Variants in ASXL2 observed in about 807,000 individuals in gnomAD.
ASXL2 encodes the protein ASXL transcriptional regulator 2, also known as putative Polycomb group protein ASXL2.
Under a neutral mutation model 122.0 loss-of-function variants are expected in ASXL2, and 23 were observed. That is an observed-to-expected ratio of 0.19 (90% CI 0.14 to 0.27). The LOEUF (loss-of-function observed/expected upper bound fraction) is 0.27. ASXL2 is among the 10% of genes least tolerant of loss of function. ASXL2 has a pLI of 1.00. For missense variants in ASXL2, 1,518 were observed against 1,713.8 expected, an observed-to-expected ratio of 0.89 and a Z score of 2.02; for synonymous variants, 650 against 637.0, an observed-to-expected ratio of 1.02 and a Z score of -0.31.
At chr2:25,861,151 A>T (rs1047505398) in intron 1 of ASXL2, among the ~76,000 whole-genome samples, 2 of 152,210 alleles carry the variant, frequency 1.3e-5, no homozygotes, top group African/African-American at 4.8e-5. Flanking sequence ...GAAAACAAGA[A>T]ATCAATACGA....
At chr2:25,831,797 C>G (rs1460331123) in intron 3 of ASXL2, among the ~76,000 whole-genome samples, 1 of 152,048 alleles carries the variant, frequency 6.6e-6, no homozygotes, top group Non-Finnish European at 1.5e-5. Flanking sequence ...CAAGATACAT[C>G]ATAATTAAAC....
rs2087820050 is a variant in ASXL2 at position 25,741,166 on chromosome 2, TGTTA to T, written c.*859_*862del. Reference sequence around the variant, plus strand: ...TCATTTTATATGAGTATTTCAAAATTGTTAGTTACCACGAATGACTAAGTGCGGG... The same window carrying T: ...TCATTTTATATGAGTATTTCAAAATTGTTACCACGAATGACTAAGTGCGGG... On this transcript the variant is annotated 3_prime_UTR_variant, in exon 13 of 13. Transcript: ENST00000435504. 9.2e-6 allele frequency: 2 copies of T among 218,206 alleles called. No homozygotes were observed. The highest frequency in any genetic ancestry group is 9.2e-6 in the Non-Finnish European group (1 of 108,678). 13.5% of individuals were successfully genotyped at this position (218,206 alleles called of 1,614,324 possible).
chr2:25,875,006 G>A (rs1574459138), intron 1 of ASXL2, among the ~76,000 whole-genome samples: 1 of 152,152 alleles, frequency 6.6e-6, no homozygotes, highest in African/African-American at 2.4e-5. Flanking sequence ...TCACTTGAGG[G>A]GTTGGCTGAG....
At chr2:25,785,369 C>T (rs1013191738) in intron 5 of ASXL2, among the ~76,000 whole-genome samples, 2 of 151,714 alleles carry the variant, frequency 1.3e-5, no homozygotes, top group Admixed American at 1.3e-4. Context: ...GGATTACAGG[C>T]ACCCGCCTCC....
chr2:25,786,229 T>A (rs1385557565), intron 5 of ASXL2, among the ~76,000 whole-genome samples: 24 of 145,492 alleles, frequency 1.6e-4, no homozygotes, highest in Admixed American at 1.6e-3. Flanking sequence ...AACAACCTAC[T>A]ACTCCACATC....
chr2:25,861,434 T>A (rs1270784713), intron 1 of ASXL2, among the ~76,000 whole-genome samples: 1 of 152,356 alleles, frequency 6.6e-6, no homozygotes, highest in East Asian at 1.9e-4. Flanking sequence ...ATAATCTGAA[T>A]AGGCCTATCA....
intron 5 of ASXL2, among the ~76,000 whole-genome samples, chr2:25,783,606 C>T (rs1181394953): frequency 6.6e-6 from 1 of 150,886 alleles, no homozygotes; most frequent in Non-Finnish European, 1.5e-5. Context: ...TTAGTTTGTC[C>T]TTATTGACAG....
chr2:25,782,407 G>A (rs1485534499), intron 5 of ASXL2, among the ~76,000 whole-genome samples: 8 of 151,800 alleles, frequency 5.3e-5, no homozygotes, highest in Non-Finnish European at 7.4e-5. Flanking sequence ...TTAGCCGGGC[G>A]TGGTGACATG....
chr2:25,790,286 C>G (rs1282718101), intron 5 of ASXL2, among the ~76,000 whole-genome samples: 2 of 88,042 alleles, frequency 2.3e-5, no homozygotes, highest in East Asian at 7.7e-4. Context: ...AACTAGCTAA[C>G]TGAGGTGGTG....
chr2:25,875,588 G>A (rs2090003565), intron 1 of ASXL2, among the ~76,000 whole-genome samples: 3 of 151,856 alleles, frequency 2.0e-5, no homozygotes, highest in Non-Finnish European at 2.9e-5. Context: ...CACACACCCC[G>A]TATCATCCCA....
At chr2:25,805,661 T>G (rs1053270132) in intron 4 of ASXL2, among the ~76,000 whole-genome samples, 5 of 151,548 alleles carry the variant, frequency 3.3e-5, no homozygotes, top group African/African-American at 1.2e-4. Context: ...ATTTTATTTA[T>G]TTTTTATTTT....
rs553591056 is a variant in ASXL2, at chr2:25,801,405, A to G, written c.253-1870T>C. Among the ~76,000 whole-genome samples the G allele has an allele frequency of 1.8e-4, 27 of 152,238 alleles. No individual in the cohort carries two copies. The South Asian group carries it at 5.6e-3, about 32-fold the overall frequency. On this transcript the variant is annotated intron_variant, in intron 4 of 12. Transcript: ENST00000435504. Reference sequence around the variant, plus strand: ...TATGACATTATAGCCAAGACTATAAACTCTGATCTAGTTAAGTTAGGTATT... The same window carrying G: ...TATGACATTATAGCCAAGACTATAAGCTCTGATCTAGTTAAGTTAGGTATT...
chr2:25,814,177 A>G (rs902928070), intron 3 of ASXL2, among the ~76,000 whole-genome samples: 5 of 152,256 alleles, frequency 3.3e-5, no homozygotes, highest in Non-Finnish European at 7.3e-5. Context: ...AGGACACAGT[A>G]CCATTTAAAA....
rs899671121 is a variant in ASXL2 at position 25,786,345 on chromosome 2, A to T, written c.403+13040T>A. ...AACCTCCGCCTCCCAGGTTCAAGTG[A>T]TTCTCCTGCCTCAGCCTCCCAGGTA... On this transcript the variant is annotated intron_variant, in intron 5 of 12. Transcript: ENST00000435504. Among the ~76,000 whole-genome samples, 28 of 145,650 alleles carry T rather than the reference A, an allele frequency of 1.9e-4. No individual in the cohort carries two copies. In the Admixed American group the frequency reaches 2.0e-3, roughly 10 times the overall value.
intron 3 of ASXL2, among the ~76,000 whole-genome samples, chr2:25,825,151 C>T (rs2089361658): frequency 6.6e-6 from 1 of 152,198 alleles, no homozygotes; most frequent in South Asian, 2.1e-4. Context: ...GTAAAATGAA[C>T]ATTAACCTTC....
rs761401774 is a variant in ASXL2, at chr2:25,753,657, A to G, written c.1037-18T>C. On this transcript the variant is annotated intron_variant, in intron 10 of 12. Coordinates refer to ENST00000435504, the MANE Select transcript of ASXL2 (RefSeq NM_018263.6). ...AAACTCACCTGCAATGTACCCAAAA[A>G]AGGATATTCAATAGAAAAATGCTAT... The G allele has an allele frequency of 9.6e-6, 15 of 1,560,482 alleles. No individual in the cohort carries two copies. Among genetic ancestry groups the G allele is most frequent in the Non-Finnish European group, 1.2e-5 (14 of 1,140,846 alleles).
At chr2:25,794,573 A>T (rs559103250) in intron 5 of ASXL2, among the ~76,000 whole-genome samples, 8 of 152,330 alleles carry the variant, frequency 5.3e-5, no homozygotes, top group Non-Finnish European at 1.2e-4. Context: ...CTTTACACAG[A>T]AATCAATAAA....
intron 3 of ASXL2, among the ~76,000 whole-genome samples, chr2:25,815,629 A>G (rs2089223979): frequency 6.6e-6 from 1 of 152,162 alleles, no homozygotes; most frequent in Non-Finnish European, 1.5e-5. Context: ...AATTCAACCC[A>G]AAATATCCAG....
chr2:25,763,541 G>GAATT (rs2088289618), intron 8 of ASXL2, among the ~76,000 whole-genome samples: 1 of 151,510 alleles, frequency 6.6e-6, no homozygotes, highest in African/African-American at 2.4e-5. Flanking sequence ...AACAAGCACA[G>GAATT]AATTCTGTGT....
Sources: allele counts gnomAD v4.1 joint callset (sites outside exome capture counted in the v4.1 genomes callset), GRCh38; gene constraint gnomAD v4.1.1; transcripts MANE v1.5; gene names NCBI Gene and HGNC (gene_info 2026-07-23, HGNC 2026-07-21).